Variants in PSD3 observed in about 807,000 individuals in gnomAD.
PSD3 encodes the protein pleckstrin and Sec7 domain containing 3, also known as PH and SEC7 domain-containing protein 3.
A neutral mutation model predicts 105.5 loss-of-function variants in PSD3; 49 were observed. The observed-to-expected ratio is 0.46, with a 90% CI of 0.37 to 0.59. The LOEUF (loss-of-function observed/expected upper bound fraction) is 0.59, where lower values mean the gene tolerates loss of function less well. Ranked by LOEUF, PSD3 falls within the 20% of genes least tolerant of loss-of-function variation. The probability of loss-of-function intolerance (pLI) is 0.00; values close to 1 mark genes in which losing one functional copy is unlikely to be tolerated. For synonymous variants in PSD3, 557 were observed against 457.8 expected (o/e 1.22, Z -2.77); for missense variants, 1,561 against 1,263.8 (o/e 1.24, Z -3.57).
At chr8:18,805,723 A>C (rs1373564916) in intron 4 of PSD3, among the ~76,000 whole-genome samples, 2 of 152,204 alleles carry the variant, frequency 1.3e-5, no homozygotes, top group East Asian at 3.8e-4. Context: ...TAACCTTAAA[A>C]AAATCATATT....
intron 9 of PSD3, among the ~76,000 whole-genome samples, chr8:18,698,286 T>TC (rs1189454034): frequency 1.6e-4 from 25 of 152,176 alleles, no homozygotes; most frequent in African/African-American, 3.4e-4. Context: ...TTTTAATTTT[T>TC]TAAAAAAATT....
intron 8 of PSD3, among the ~76,000 whole-genome samples, chr8:18,795,748 A>G (rs1323597959): frequency 6.6e-6 from 1 of 152,220 alleles, no homozygotes; most frequent in African/African-American, 2.4e-5. Flanking sequence ...TAGTGGTAGG[A>G]AACAGAACGC....
chr8:18,873,685 C>A (rs1021951604), intron 2 of PSD3, among the ~76,000 whole-genome samples: 1 of 152,096 alleles, frequency 6.6e-6, no homozygotes, highest in East Asian at 1.9e-4. Context: ...ATTTATTCCT[C>A]CTACCTATCT....
intron 12 of PSD3, among the ~76,000 whole-genome samples, chr8:18,591,956 A>C (rs1039530708): frequency 1.3e-5 from 2 of 152,138 alleles, no homozygotes; most frequent in Non-Finnish European, 2.9e-5. Flanking sequence ...CTGCTGTAGC[A>C]AGCCAGTCTC....
At chr8:18,633,003 G>C (rs1440838268) in intron 10 of PSD3, among the ~76,000 whole-genome samples, 197 bp from the exon 11 acceptor site, 1 of 151,966 alleles carries the variant, frequency 6.6e-6, no homozygotes, top group Non-Finnish European at 1.5e-5. Context: ...TATCTTATAA[G>C]ACTGATATTA....
chr8:18,685,671 AC>A (rs1800625363), intron 9 of PSD3, among the ~76,000 whole-genome samples: 1 of 152,192 alleles, frequency 6.6e-6, no homozygotes, highest in South Asian at 2.1e-4. Context: ...TTACTATTTT[AC>A]AAAGCATATT....
chr8:18,598,434 A>C (rs201306605), intron 12 of PSD3, among the ~76,000 whole-genome samples: 1 of 4,292 alleles, frequency 2.3e-4, no homozygotes, highest in African/African-American at 3.1e-4. Flanking sequence ...AAAAAAAAAA[A>C]AAAAGGATCA....
In PSD3 at chr8:19,068,349, G is replaced by C. The variant is rs80066911; in HGVS notation, c.324+15857C>G. The stretch of plus-strand genomic sequence containing the variant: ...CTGTTGCCCAGGCTGGAGTGCCATG[G>C]CATGATCCTGACTCACTGTAGCCTC... On this transcript the variant is annotated intron_variant, in intron 1 of 1. Transcript: ENST00000521475. Among the ~76,000 whole-genome samples the C allele has an allele frequency of 2.5e-3, 386 of 151,786 alleles. 2 individuals are homozygous for C. Among genetic ancestry groups the C allele is most frequent in the African/African-American group, 9.0e-3 (370 of 41,338 alleles).
chr8:18,749,157 C>A (rs919613448), intron 9 of PSD3, among the ~76,000 whole-genome samples: 3 of 152,138 alleles, frequency 2.0e-5, no homozygotes, highest in Non-Finnish European at 4.4e-5. Flanking sequence ...ATGTTAGGAG[C>A]CTGAATAACT....
At chr8:18,868,191 C>A (rs1817091633) in intron 3 of PSD3, 122 bp from the exon 4 acceptor site, 2 of 1,142,792 alleles carry the variant, frequency 1.8e-6, no homozygotes, top group Non-Finnish European at 2.4e-6. Flanking sequence ...TGACTTATAT[C>A]TTAACATATT....
chr8:18,872,046 C>G lies in PSD3; in HGVS notation c.818G>C (p.Arg273Thr), dbSNP rs367965825. The G allele has an allele frequency of 4.3e-6, 7 of 1,614,012 alleles. No individual in the cohort carries two copies. The highest frequency in any genetic ancestry group is 2.7e-5 in the African/African-American group (2 of 74,908). Residue 273 changes from arginine to threonine, a missense_variant, in exon 3 of 16, where the codon AGG (arginine) becomes ACG (threonine). Physicochemically the swap from Arg to Thr is moderately conservative, Grantham distance 71. Coordinates refer to ENST00000327040, the MANE Select transcript of PSD3 (RefSeq NM_015310.4). ...TGGGTGCTCTCTCCCAAGAGCAGAC[C>G]TCTGCTCTTTCAAGAAACCAACACT... is the stretch of plus-strand genomic sequence containing the variant. Reference protein sequence around the residue: ...AGSVGFLKEQRSALGREHPGG... With the variant: ...AGSVGFLKEQTSALGREHPGG...
At chr8:18,867,502 C>T (rs1194514634) in intron 4 of PSD3, among the ~76,000 whole-genome samples, 172 bp downstream of exon 4, 1 of 152,178 alleles carries the variant, frequency 6.6e-6, no homozygotes, top group Non-Finnish European at 1.5e-5. Flanking sequence ...TGACAAACCA[C>T]TAAGGTGTGT....
intron 1 of PSD3, among the ~76,000 whole-genome samples, chr8:18,975,657 C>T (rs1048730805): frequency 2.6e-5 from 4 of 152,116 alleles, no homozygotes; most frequent in African/African-American, 9.7e-5. Context: ...GCTCTAATAC[C>T]ATCAGTGTTG....
At chr8:18,593,859 C>G (rs1164897525) in intron 12 of PSD3, among the ~76,000 whole-genome samples, 1 of 149,400 alleles carries the variant, frequency 6.7e-6, no homozygotes, top group South Asian at 2.1e-4. Context: ...TCATTCTCAG[C>G]AAACTATCAC....
rs1461070533 is a variant in PSD3 at position 18,655,703 on chromosome 8, G to A, written c.2173-18C>T. The stretch of plus-strand genomic sequence containing the variant: ...TACAGAGCCTGTAAAGAGAGAAAAT[G>A]AGATCACATTATTCTTTCCATTCTG... On this transcript the variant is annotated intron_variant, in intron 9 of 15. Coordinates refer to ENST00000327040, the MANE Select transcript of PSD3 (RefSeq NM_015310.4). The A allele has an allele frequency of 1.9e-6, 3 of 1,608,282 alleles. No individual in the cohort carries two copies. The highest frequency in any genetic ancestry group is 2.6e-6 in the Non-Finnish European group (3 of 1,175,144).
At chr8:18,866,356 C>T (rs924651909) in intron 4 of PSD3, among the ~76,000 whole-genome samples, 1 of 152,192 alleles carries the variant, frequency 6.6e-6, no homozygotes, top group Admixed American at 6.5e-5. Flanking sequence ...ACTAACCAGG[C>T]AACCAGTTCA....
At chr8:18,839,641 A>T (rs1034663564) in intron 4 of PSD3, among the ~76,000 whole-genome samples, 2 of 152,168 alleles carry the variant, frequency 1.3e-5, no homozygotes, top group Admixed American at 6.5e-5. Flanking sequence ...ACGTTTCCTC[A>T]GAAGGTTTTG....
chr8:18,967,658 C>G (rs1824362415), intron 1 of PSD3, among the ~76,000 whole-genome samples: 1 of 152,022 alleles, frequency 6.6e-6, no homozygotes, highest in Non-Finnish European at 1.5e-5. Context: ...ACTATTTCAA[C>G]CAGAAAATTA....
intron 8 of PSD3, among the ~76,000 whole-genome samples, chr8:18,789,458 G>T (rs78910759): frequency 0.022 from 3,289 of 152,148 alleles, 161 homozygotes; most frequent in East Asian, 0.14. Flanking sequence ...CACTTAATGG[G>T]TTTTTAATGA....
Sources: allele counts gnomAD v4.1 joint callset (sites outside exome capture counted in the v4.1 genomes callset), GRCh38; gene constraint gnomAD v4.1.1; transcripts MANE v1.5; gene names NCBI Gene and HGNC (gene_info 2026-07-23, HGNC 2026-07-21).